RAB38: variants seen among roughly 807,000 people sequenced by gnomAD.
RAB38 encodes RAB38, member RAS oncogene family.
In RAB38, 15 loss-of-function variants were observed where a neutral mutation model predicts 18.4. The ratio of observed to expected loss-of-function variants is 0.82; its 90% CI spans 0.55 to 1.26. The LOEUF (loss-of-function observed/expected upper bound fraction) is 1.26, where lower values mean the gene tolerates loss of function less well. RAB38 is among the 50% of genes most tolerant of loss of function. RAB38 has a pLI of 0.00. For missense variants in RAB38, 294 were observed against 267.4 expected, an observed-to-expected ratio of 1.10 and a Z score of -0.69; for synonymous variants, 101 against 104.4, an observed-to-expected ratio of 0.97 and a Z score of 0.20.
chr11:87,955,385 T>C, the RAB38 span, among the ~76,000 whole-genome samples: 62 of 152,278 alleles, frequency 4.1e-4, no homozygotes, highest in African/African-American at 1.5e-3. Context: ...GGGGTAAGCA[T>C]TGAAAAACTG....
At chr11:87,854,427 T>A in the RAB38 span, among the ~76,000 whole-genome samples, 12 of 152,324 alleles carry the variant, frequency 7.9e-5, no homozygotes, top group Admixed American at 3.3e-4. Context: ...TTACATTCTC[T>A]TTTCCTTAGA....
At chr11:87,831,778 A>G in the RAB38 span, among the ~76,000 whole-genome samples, 2 of 152,194 alleles carry the variant, frequency 1.3e-5, no homozygotes, top group Non-Finnish European at 2.9e-5. Context: ...AGTTGGCCCT[A>G]TGCTTTCAAA....
At chr11:87,907,462 A>T in the RAB38 span, among the ~76,000 whole-genome samples, 10,141 of 151,094 alleles carry the variant, frequency 0.067, 395 homozygotes, top group South Asian at 0.11. Context: ...TTACAAAAAA[A>T]ATATATTTTT....
At chr11:87,878,256 A>G in the RAB38 span, among the ~76,000 whole-genome samples, 352 of 37,240 alleles carry the variant, frequency 9.5e-3, 28 homozygotes, top group African/African-American at 0.032. Context: ...CCTATCATCT[A>G]TCTATCTATC....
the RAB38 span, among the ~76,000 whole-genome samples, chr11:87,908,943 T>C: frequency 6.6e-6 from 1 of 151,924 alleles, no homozygotes; most frequent in Non-Finnish European, 1.5e-5. Context: ...CAAAATGGAA[T>C]GCATCAAAAA....
At chr11:87,899,577 G>C in the RAB38 span, among the ~76,000 whole-genome samples, 36,206 of 151,402 alleles carry the variant, frequency 0.24, 6,866 homozygotes, top group African/African-American at 0.53. Context: ...TGGGAAGAAA[G>C]TTTCTAGACA....
chr11:87,968,605 G>T, the RAB38 span, among the ~76,000 whole-genome samples: 1 of 152,154 alleles, frequency 6.6e-6, no homozygotes, highest in African/African-American at 2.4e-5. Flanking sequence ...TACACAAGGA[G>T]ATAAGGAGCT....
the RAB38 span, among the ~76,000 whole-genome samples, chr11:88,076,220 G>T: frequency 4.0e-5 from 6 of 151,696 alleles, no homozygotes; most frequent in African/African-American, 1.5e-4. Flanking sequence ...AAACCTATAA[G>T]AAATGAATAA....
chr11:87,966,383 G>T, the RAB38 span, among the ~76,000 whole-genome samples: 2 of 152,082 alleles, frequency 1.3e-5, no homozygotes, highest in Non-Finnish European at 2.9e-5. Flanking sequence ...AGCACTAGGA[G>T]ATGGAAACAC....
chr11:88,102,807 C>T, the RAB38 span, among the ~76,000 whole-genome samples: 7 of 152,134 alleles, frequency 4.6e-5, no homozygotes, highest in South Asian at 2.1e-4. Context: ...CAGGCTTGCA[C>T]GCATCTCAGG....
chr11:87,848,746 G>A, the RAB38 span, among the ~76,000 whole-genome samples: 1 of 152,006 alleles, frequency 6.6e-6, no homozygotes, highest in Non-Finnish European at 1.5e-5. Flanking sequence ...AAAAGCACCA[G>A]CCCATCAGGT....
intron 2 of RAB38, among the ~76,000 whole-genome samples, chr11:88,124,643 G>A (rs915710012): frequency 6.6e-6 from 1 of 152,134 alleles, no homozygotes; most frequent in African/African-American, 2.4e-5. Context: ...AAATTCCACA[G>A]TCAGATAACA....
chr11:88,175,247 GA>G lies in RAB38; in HGVS notation c.137del (p.Phe46SerfsTer30). On this transcript the variant is annotated frameshift_variant, in exon 1 of 3. Transcript: ENST00000243662. LOFTEE classifies it high-confidence loss of function. ...SHYRATIGVD[F>X]ALKVLHWDPE... ...GGTCCCAGTGGAGCACCTTGAGCGCGAAGTCCACGCCGATTGTGGCCCGGTA... is the reference window on the plus strand; with the variant it reads ...GGTCCCAGTGGAGCACCTTGAGCGCGAGTCCACGCCGATTGTGGCCCGGTA... 1 of 1,614,126 alleles carries G rather than the reference GA, an allele frequency of 6.2e-7. No individual in the cohort carries two copies. The highest frequency in any genetic ancestry group is 8.5e-7 in the Non-Finnish European group (1 of 1,180,024).
At chr11:87,912,424 T>G in the RAB38 span, among the ~76,000 whole-genome samples, 1 of 152,040 alleles carries the variant, frequency 6.6e-6, no homozygotes, top group African/African-American at 2.4e-5. Flanking sequence ...ATGAGCTTTT[T>G]ATAGTTTGTG....
chr11:88,041,004 T>C, the RAB38 span, among the ~76,000 whole-genome samples: 2 of 152,200 alleles, frequency 1.3e-5, no homozygotes, highest in African/African-American at 2.4e-5. Context: ...CAAATAAATA[T>C]AGAAGACACT....
At chr11:87,938,466 G>A in the RAB38 span, among the ~76,000 whole-genome samples, 1 of 152,022 alleles carries the variant, frequency 6.6e-6, no homozygotes, top group African/African-American at 2.4e-5. Flanking sequence ...CTTCTTTACA[G>A]CCTCACAAAG....
chr11:88,079,086 T>C, the RAB38 span, among the ~76,000 whole-genome samples: 1 of 151,614 alleles, frequency 6.6e-6, no homozygotes, highest in Non-Finnish European at 1.5e-5. Flanking sequence ...TGGGAAGAAT[T>C]AATCAAGATA....
chr11:87,955,853 T>C, the RAB38 span, among the ~76,000 whole-genome samples: 1 of 146,466 alleles, frequency 6.8e-6, no homozygotes, highest in Non-Finnish European at 1.5e-5. Context: ...AAAATCAATA[T>C]AATGGGTAGC....
the RAB38 span, among the ~76,000 whole-genome samples, chr11:87,974,425 G>C: frequency 6.6e-6 from 1 of 151,732 alleles, no homozygotes; most frequent in Non-Finnish European, 1.5e-5. Context: ...TGAATGGGAA[G>C]TATCCAATCT....
Sources: gnomAD v4.1 joint callset for allele counts (sites outside exome capture counted in the v4.1 genomes callset) on GRCh38, gnomAD v4.1.1 for gene constraint, MANE v1.5 for transcripts, NCBI Gene and HGNC (gene_info 2026-07-23, HGNC 2026-07-21) for gene names.